Variants in NELL2 observed in about 807,000 individuals in gnomAD.
The protein encoded by NELL2 is protein kinase C-binding protein NELL2.
Under a neutral mutation model 109.6 loss-of-function variants are expected in NELL2, and 41 were observed. The ratio of observed to expected loss-of-function variants is 0.37; its 90% confidence interval spans 0.29 to 0.49. The LOEUF (loss-of-function observed/expected upper bound fraction) is 0.49, where lower values mean the gene tolerates loss of function less well. NELL2 is among the 20% of genes least tolerant of loss of function. The probability of loss-of-function intolerance (pLI) is 0.98; values close to 1 mark genes in which losing one functional copy is unlikely to be tolerated. For missense variants in NELL2, 900 were observed against 1,008.3 expected (o/e 0.89, Z 1.45); for synonymous variants, 355 against 344.7 (o/e 1.03, Z -0.33).
chr12:44,892,415 G>A (rs1238994072), intron 1 of NELL2, among the ~76,000 whole-genome samples: 1 of 152,082 alleles, frequency 6.6e-6, no homozygotes, highest in Non-Finnish European at 1.5e-5. Context: ...CAAGCTCTGT[G>A]CTTAAAAGTT....
At chr12:44,802,402 T>C (rs1185695213) in intron 3 of NELL2, among the ~76,000 whole-genome samples, 3 of 152,092 alleles carry the variant, frequency 2.0e-5, no homozygotes, top group Admixed American at 1.3e-4. Context: ...CATATCAGGA[T>C]GAATGTAAAT....
intron 2 of NELL2, among the ~76,000 whole-genome samples, chr12:44,824,825 C>G (rs1448687365): frequency 4.6e-5 from 7 of 151,178 alleles, no homozygotes; most frequent in African/African-American, 1.7e-4. Context: ...ATTCTCCTGC[C>G]TCAGCCTCCC....
chr12:44,849,558 A>C (rs1374974113), intron 2 of NELL2, among the ~76,000 whole-genome samples: 1 of 152,220 alleles, frequency 6.6e-6, no homozygotes, highest in East Asian at 1.9e-4. Context: ...TGAACAGTAC[A>C]AAATGGTACA....
chr12:44,556,407 C>T (rs921785375), intron 15 of NELL2, among the ~76,000 whole-genome samples: 4 of 151,998 alleles, frequency 2.6e-5, no homozygotes, highest in South Asian at 2.1e-4. Flanking sequence ...GAGCAGCATG[C>T]GGGGATGAAA....
chr12:44,758,160 G>A (rs926529780), intron 9 of NELL2, among the ~76,000 whole-genome samples: 2 of 152,004 alleles, frequency 1.3e-5, no homozygotes, highest in Admixed American at 6.6e-5. Context: ...ATTTTTGGTA[G>A]TTTCTCATAT....
chr12:44,773,592 A>T (rs1325460894), intron 9 of NELL2, among the ~76,000 whole-genome samples: 2 of 152,172 alleles, frequency 1.3e-5, no homozygotes, highest in African/African-American at 4.8e-5. Context: ...ACCACCTACA[A>T]ACAAAACTAT....
At chr12:44,906,380 A>T (rs1368594066) in intron 1 of NELL2, among the ~76,000 whole-genome samples, 1 of 152,166 alleles carries the variant, frequency 6.6e-6, no homozygotes, top group East Asian at 1.9e-4. Flanking sequence ...CTTTAAACAC[A>T]TAAATGATAT....
In NELL2 at chr12:44,665,511, T is replaced by G; in HGVS notation, c.1417A>C (p.Ile473Leu). 6.2e-7 allele frequency: 1 copy of G among 1,613,412 alleles called. No homozygotes were observed. Among genetic ancestry groups the G allele is most frequent in the Non-Finnish European group, 8.5e-7 (1 of 1,179,406 alleles). ...SFMCICKTGY[I>L]RIDDYSCTEH... ...GTACATGAATAATCATCAATTCTGA[T>G]GTATCCAGTTTTGCAGATGCACATA... The change falls in exon 13 of 20, where the codon ATC becomes CTC. Residue 473 changes from isoleucine (I) to leucine (L), a missense_variant. Physicochemically the swap from Ile to Leu is conservative, Grantham distance 5 (BLOSUM62 2). This residue lies in a region of NELL2 where 292 missense variants were observed against 265.3 expected (regional missense o/e 1.10). Coordinates refer to ENST00000429094, the MANE Select transcript of NELL2 (RefSeq NM_001145108.2).
intron 2 of NELL2, among the ~76,000 whole-genome samples, chr12:44,837,753 C>A (rs978076845): frequency 6.6e-6 from 1 of 151,754 alleles, no homozygotes; most frequent in Non-Finnish European, 1.5e-5. Flanking sequence ...TTGCAGGACT[C>A]AGAACTACAT....
At chr12:44,749,296 CTTA>C (rs1940539637) in intron 9 of NELL2, among the ~76,000 whole-genome samples, 1 of 152,150 alleles carries the variant, frequency 6.6e-6, no homozygotes, top group Non-Finnish European at 1.5e-5. Flanking sequence ...TAAAAAATTA[CTTA>C]TTATACATAT....
chr12:44,695,462 C>T (rs1949035463), intron 12 of NELL2, among the ~76,000 whole-genome samples: 2 of 152,140 alleles, frequency 1.3e-5, no homozygotes, highest in African/African-American at 4.8e-5. Context: ...CTTAAGAAGG[C>T]TGAGTGGGAT....
chr12:44,854,467 G>A (rs376412077), intron 2 of NELL2, among the ~76,000 whole-genome samples: 4 of 152,048 alleles, frequency 2.6e-5, no homozygotes, highest in East Asian at 1.9e-4. Flanking sequence ...AGGATGTTAC[G>A]GACATCAGGG....
chr12:44,519,977 C>G, intron 19 of NELL2, 28 bp downstream of exon 19: 1 of 1,595,672 alleles, frequency 6.3e-7, no homozygotes, highest in Non-Finnish European at 8.6e-7. Context: ...TGGCAAAGTG[C>G]TCACTATTTA....
upstream of NELL2, among the ~76,000 whole-genome samples, chr12:44,915,766 C>A (rs1027953416): frequency 9.2e-5 from 14 of 152,016 alleles, no homozygotes; most frequent in African/African-American, 3.4e-4. Flanking sequence ...CTGCCATCTG[C>A]ATTTTGTAGG....
At chr12:44,827,875 GA>G (rs1157868372) in intron 2 of NELL2, among the ~76,000 whole-genome samples, 1 of 152,100 alleles carries the variant, frequency 6.6e-6, no homozygotes, top group Admixed American at 6.5e-5. Context: ...TTAGTTTTCT[GA>G]GGAACCTCCA....
At position 44,522,162 on chromosome 12, in the gene NELL2, CATAACGAATCCATTCTGT is replaced by C; in HGVS notation, c.1999-4_2012del. ...CACAGTCACAGACCATCCGTCGACA[CATAACGAATCCATTCTGT>C]ATGAAAAAGAAAAAAAGCAGTTACC... On this transcript the variant is annotated splice_acceptor_variant and splice_polypyrimidine_tract_variant and coding_sequence_variant and intron_variant, in exon 18 of 20. Coordinates refer to ENST00000429094, the MANE Select transcript of NELL2 (RefSeq NM_001145108.2). LOFTEE classifies it high-confidence loss of function. 1 of 1,613,494 alleles carries C rather than the reference CATAACGAATCCATTCTGT, an allele frequency of 6.2e-7. No individual in the cohort carries two copies. The highest frequency in any genetic ancestry group is 8.5e-7 in the Non-Finnish European group (1 of 1,179,864).
intron 9 of NELL2, among the ~76,000 whole-genome samples, chr12:44,752,049 G>A (rs945051339): frequency 6.6e-6 from 1 of 152,244 alleles, no homozygotes; most frequent in Admixed American, 6.5e-5. Context: ...TGGGCTGCAT[G>A]CAGCCCGTGG....
chr12:44,853,248 G>T (rs1944583287), intron 2 of NELL2, among the ~76,000 whole-genome samples: 1 of 152,140 alleles, frequency 6.6e-6, no homozygotes, highest in Non-Finnish European at 1.5e-5. Flanking sequence ...GCTTCAGAAA[G>T]ATTTCAGTGA....
chr12:44,720,647 C>T (rs966112805), intron 9 of NELL2, among the ~76,000 whole-genome samples: 1 of 152,064 alleles, frequency 6.6e-6, no homozygotes, highest in Admixed American at 6.6e-5. Flanking sequence ...TATATAAAAC[C>T]AGTTTTTGTG....
Sources: allele counts gnomAD v4.1 joint callset (sites outside exome capture counted in the v4.1 genomes callset), GRCh38; gene constraint gnomAD v4.1.1; regional missense constraint gnomAD v4.1.1; transcripts MANE v1.5; gene names NCBI Gene and HGNC (gene_info 2026-07-23, HGNC 2026-07-21).